NR2F1-AS1: variants seen among roughly 807,000 people sequenced by gnomAD.
The protein encoded by NR2F1-AS1 is NR2F1 regulatory antisense RNA 1.
chr5:93,561,324 TCTC>T (rs1021547057), intron 2 of NR2F1-AS1, among the ~76,000 whole-genome samples: 1 of 152,104 alleles, frequency 6.6e-6, no homozygotes, highest in African/African-American at 2.4e-5. Flanking sequence ...ACAACCCACT[TCTC>T]CTTGTGCAAG....
chr5:93,439,452 G>A (rs528915561), intron 4 of NR2F1-AS1, among the ~76,000 whole-genome samples: 3 of 152,200 alleles, frequency 2.0e-5, no homozygotes, highest in South Asian at 2.1e-4. Flanking sequence ...CCGCTACCTC[G>A]CCCGGCTAAT....
intron 4 of NR2F1-AS1, among the ~76,000 whole-genome samples, chr5:93,540,675 A>C (rs1375463687): frequency 6.6e-6 from 1 of 152,204 alleles, no homozygotes; most frequent in Admixed American, 6.5e-5. Flanking sequence ...AAAAATCTAA[A>C]ACAGGAACAT....
At chr5:93,561,774 A>G (rs1180119644) in intron 2 of NR2F1-AS1, among the ~76,000 whole-genome samples, 1 of 152,170 alleles carries the variant, frequency 6.6e-6, no homozygotes, top group Non-Finnish European at 1.5e-5. Flanking sequence ...GTCTCAAAAA[A>G]AAAACAAAAC....
chr5:93,524,005 T>C (rs1251355612), intron 4 of NR2F1-AS1, among the ~76,000 whole-genome samples: 1 of 151,058 alleles, frequency 6.6e-6, no homozygotes, highest in Non-Finnish European at 1.5e-5. Flanking sequence ...AGAGAATGAG[T>C]TTGAAAAATT....
chr5:93,438,485 T>A (rs1232215998), intron 4 of NR2F1-AS1, among the ~76,000 whole-genome samples: 1 of 152,204 alleles, frequency 6.6e-6, no homozygotes, highest in African/African-American at 2.4e-5. Context: ...GCTTAATTTC[T>A]CTCAAACTAT....
At chr5:93,470,097 C>A (rs945414491) in intron 4 of NR2F1-AS1, among the ~76,000 whole-genome samples, 7 of 151,916 alleles carry the variant, frequency 4.6e-5, no homozygotes, top group African/African-American at 1.7e-4. Context: ...GGACAGAAAT[C>A]TAGAACAATA....
At chr5:93,436,922 T>G (rs1353954746) in intron 4 of NR2F1-AS1, among the ~76,000 whole-genome samples, 2 of 151,950 alleles carry the variant, frequency 1.3e-5, no homozygotes, top group Non-Finnish European at 2.9e-5. Context: ...CTAATTTACC[T>G]TCCAAGATGC....
intron 4 of NR2F1-AS1, among the ~76,000 whole-genome samples, chr5:93,487,055 G>A (rs892711071): frequency 2.0e-5 from 3 of 152,006 alleles, no homozygotes; most frequent in Non-Finnish European, 4.4e-5. Context: ...ACCCCTTCAC[G>A]CTAAAAAGTC....
At chr5:93,490,540 A>T (rs1257110358) in intron 4 of NR2F1-AS1, among the ~76,000 whole-genome samples, 11 of 107,170 alleles carry the variant, frequency 1.0e-4, no homozygotes, top group African/African-American at 3.7e-4. Flanking sequence ...TTATGGTGGC[A>T]GTGGTGGTGG....
chr5:93,447,792 A>G (rs1176342620), intron 4 of NR2F1-AS1, among the ~76,000 whole-genome samples: 1 of 152,236 alleles, frequency 6.6e-6, no homozygotes, highest in Non-Finnish European at 1.5e-5. Context: ...ACTTGGAGCC[A>G]ACCCAAATGT....
intron 4 of NR2F1-AS1, among the ~76,000 whole-genome samples, chr5:93,532,961 T>A (rs979694362): frequency 6.6e-6 from 1 of 152,212 alleles, no homozygotes. Flanking sequence ...TAATCTCAAC[T>A]ATTACACTGT....
chr5:93,550,259 C>A lies in NR2F1-AS1; in HGVS notation n.638+3502G>T, dbSNP rs1268301894. Among the ~76,000 whole-genome samples the A allele has an allele frequency of 2.0e-5, 3 of 152,028 alleles. No individual in the cohort carries two copies. In the East Asian group the frequency reaches 5.8e-4, roughly 29 times the overall value. ...GAATTCTTATTAAGTCAAAAGAGAG[C>A]AGAATATATTTGAAAGCAGAGTTGA... is the stretch of plus-strand genomic sequence containing the variant. On this transcript the variant is annotated intron_variant and non_coding_transcript_variant, in intron 4 of 5. Coordinates refer to ENST00000660523, the Ensembl canonical transcript of NR2F1-AS1.
chr5:93,486,229 A>C (rs1319862915), intron 4 of NR2F1-AS1, among the ~76,000 whole-genome samples: 2 of 150,806 alleles, frequency 1.3e-5, no homozygotes, highest in Non-Finnish European at 3.0e-5. Flanking sequence ...TAACCTGCAC[A>C]TTGTGCACAT....
At chr5:93,562,197 AAAG>A (rs1366632082) in intron 2 of NR2F1-AS1, among the ~76,000 whole-genome samples, 13 of 138,652 alleles carry the variant, frequency 9.4e-5, no homozygotes, top group Admixed American at 2.1e-4. Flanking sequence ...AAAAAAAAAA[AAAG>A]AAAAGAAAAG....
chr5:93,452,845 G>A (rs756516397), intron 4 of NR2F1-AS1, among the ~76,000 whole-genome samples: 11 of 151,988 alleles, frequency 7.2e-5, no homozygotes, highest in Non-Finnish European at 1.3e-4. Flanking sequence ...TAATTTAAAT[G>A]CATGCCAAAA....
upstream of NR2F1-AS1, among the ~76,000 whole-genome samples, chr5:93,581,735 C>CCTCTCTCT (rs1561519336): frequency 7.5e-5 from 2 of 26,772 alleles, no homozygotes; most frequent in African/African-American, 6.4e-4. Flanking sequence ...TCTCTCTCTC[C>CCTCTCTCT]CCCTCTCCCT....
chr5:93,552,974 T>C (rs1367363227), intron 4 of NR2F1-AS1, among the ~76,000 whole-genome samples: 3 of 152,128 alleles, frequency 2.0e-5, no homozygotes, highest in East Asian at 1.9e-4. Flanking sequence ...CTGACTCTTG[T>C]AGTAATATTA....
intron 1 of NR2F1-AS1, among the ~76,000 whole-genome samples, chr5:93,565,457 T>TA (rs1296123491): frequency 3.9e-5 from 6 of 151,920 alleles, no homozygotes; most frequent in Non-Finnish European, 8.8e-5. Context: ...TTAGAACATG[T>TA]AAAAAAAAGT....
chr5:93,425,181 T>C (rs1313277293), intron 4 of NR2F1-AS1, among the ~76,000 whole-genome samples: 1 of 152,188 alleles, frequency 6.6e-6, no homozygotes, highest in African/African-American at 2.4e-5. Context: ...AAATCTGGGC[T>C]GACAAATGAT....
Sources: allele counts gnomAD v4.1 joint callset (sites outside exome capture counted in the v4.1 genomes callset), GRCh38; gene constraint gnomAD v4.1.1; transcripts MANE v1.5; gene names NCBI Gene and HGNC (gene_info 2026-07-23, HGNC 2026-07-21).